The following SELE variants were observed in gnomAD, a reference collection of about 807,000 sequenced individuals.
SELE encodes the protein selectin E.
A neutral mutation model predicts 75.8 loss-of-function variants in SELE; 52 were observed. The ratio of observed to expected loss-of-function variants is 0.69; its 90% CI spans 0.55 to 0.86. The LOEUF (loss-of-function observed/expected upper bound fraction) is 0.86. Ranked by LOEUF, SELE falls within the 40% of genes least tolerant of loss-of-function variation. The pLI is 0.00. For synonymous variants in SELE, 285 were observed against 258.7 expected, an observed-to-expected ratio of 1.10 and a Z score of -0.98; for missense variants, 754 against 732.7, an observed-to-expected ratio of 1.03 and a Z score of -0.34.
intron 13 of SELE, 48 bp downstream of exon 13, chr1:169,725,681 G>A (rs1648721446): frequency 2.7e-6 from 4 of 1,468,688 alleles, no homozygotes; most frequent in East Asian, 2.3e-5. Context: ...AACAGAGCAT[G>A]TAGAGAAGAT....
rs762867185 is a variant in SELE at position 169,731,955 on chromosome 1, C to T, written c.422-13G>A. On this transcript the variant is annotated splice_polypyrimidine_tract_variant and intron_variant, in intron 3 of 13. Coordinates refer to ENST00000333360, the MANE Select transcript of SELE (RefSeq NM_000450.2). The stretch of plus-strand genomic sequence containing the variant: ...TTGGTACAGGCAGCTACGGAAAATA[C>T]AAAGCATGATGAGGAGGACTATTAC... 2 of 1,564,102 alleles carry T rather than the reference C, an allele frequency of 1.3e-6. No homozygotes were observed. The highest frequency in any genetic ancestry group is 1.1e-5 in the South Asian group (1 of 89,904).
chr1:169,725,613 A>G (rs1273056562), intron 13 of SELE, 116 bp downstream of exon 13: 1 of 753,668 alleles, frequency 1.3e-6, no homozygotes, highest in Non-Finnish European at 2.2e-6. Flanking sequence ...TACCCAGGTG[A>G]TGATTTCTCC....
intron 4 of SELE, 124 bp downstream of exon 4, chr1:169,731,711 C>T (rs1387503828): frequency 3.0e-5 from 19 of 624,292 alleles, no homozygotes; most frequent in East Asian, 2.9e-4. Context: ...TCTCAGCTCA[C>T]GATCACCATA....
intron 4 of SELE, 107 bp downstream of exon 4, chr1:169,731,728 C>T (rs1648916491): frequency 2.8e-6 from 2 of 714,422 alleles, no homozygotes; most frequent in Non-Finnish European, 5.0e-6. Flanking sequence ...CATATGACAC[C>T]ATCTGCACCA....
At position 169,730,414 on chromosome 1, in the gene SELE, A is replaced by G; in HGVS notation, c.715+18T>C. Reference sequence around the variant, plus strand: ...GGATGAGTTACAGAACGTTCTGTGCATTCTCAGAGGGATTTACCATTGCAG... The same window carrying G: ...GGATGAGTTACAGAACGTTCTGTGCGTTCTCAGAGGGATTTACCATTGCAG... On this transcript the variant is annotated intron_variant, in intron 5 of 13. Transcript: ENST00000333360. The G allele has an allele frequency of 1.9e-6, 3 of 1,565,120 alleles. No homozygotes were observed. The highest frequency in any genetic ancestry group is 1.2e-5 in the South Asian group (1 of 84,416).
chr1:169,725,919 A>C lies in SELE; in HGVS notation c.1763T>G (p.Phe588Cys). Residue 588 changes from phenylalanine (F) to cysteine (C), a missense_variant, in exon 12 of 14, where the codon TTT (phenylalanine) becomes TGT (cysteine). Physicochemically the swap from Phe to Cys is radical, Grantham distance 205 (BLOSUM62 -2). Coordinates refer to ENST00000333360, the MANE Select transcript of SELE (RefSeq NM_000450.2). ...GAATGCAACTTACCTGGCAGGAACA[A>C]ATTTCTTTGCTGCAAAAGAAAAGAC... is the stretch of plus-strand genomic sequence containing the variant. ...LRKCLRKAKK[F>C]VPASSCQSLE... is the part of the protein sequence containing the mutation. 6.2e-7 allele frequency: 1 copy of C among 1,614,052 alleles called. No individual in the cohort carries two copies.
At chr1:169,733,744 C>T in intron 1 of SELE, 84 bp from the exon 2 acceptor site, 1 of 884,762 alleles carries the variant, frequency 1.1e-6, no homozygotes, top group Admixed American at 1.9e-5. Context: ...TTTAAGGCAG[C>T]ATCCTAAGAT....
chr1:169,730,835 C>A (rs1648895711), intron 4 of SELE, among the ~76,000 whole-genome samples: 1 of 151,728 alleles, frequency 6.6e-6, no homozygotes, highest in South Asian at 2.1e-4. Context: ...TGATGACAAC[C>A]ATAAAAAAGA....
At chr1:169,732,090 A>G (rs1648925754) in intron 3 of SELE, 148 bp from the exon 4 acceptor site, 3 of 525,466 alleles carry the variant, frequency 5.7e-6, no homozygotes, top group Admixed American at 7.0e-5. Context: ...CAAAGTTCCA[A>G]ATCTGAGTTT....
Position 169,726,802 on chromosome 1 carries a change from G to A in SELE, c.1650C>T (p.Pro550=), listed in dbSNP as rs758867956. The A allele has an allele frequency of 2.5e-6, 4 of 1,608,676 alleles. No homozygotes were observed. Among genetic ancestry groups the A allele is most frequent in the Middle Eastern group, 1.7e-4 (1 of 6,052 alleles). The change falls in exon 11 of 14, where the codon CCC becomes CCT. Residue 550 remains proline, a synonymous_variant. Transcript: ENST00000333360. The stretch of plus-strand genomic sequence containing the variant: ...CTACCAAGGGAATGTTGGACTCAGT[G>A]GGAGCTAAGGAAGTAAGAGACGAAG... ...WSGLLPTCEA[P]TESNIPLVAG...
At chr1:169,732,078 T>C in intron 3 of SELE, 136 bp from the exon 4 acceptor site, 2 of 537,058 alleles carry the variant, frequency 3.7e-6, no homozygotes, top group Non-Finnish European at 6.7e-6. Flanking sequence ...TGAAGTGTTT[T>C]ACAAAGTTCC....
rs745433773 is a variant in SELE, at chr1:169,732,670, C to T, written c.366G>A (p.Val122=). The T allele has an allele frequency of 6.2e-7, 1 of 1,613,222 alleles. No individual in the cohort carries two copies. The highest frequency in any genetic ancestry group is 1.3e-5 in the African/African-American group (1 of 74,778). ...VEIYIKREKD[V]GMWNDERCSK... ...TGCACCTCTCATCATTCCACATGCC[C>T]ACATCTTTTTCTCTCTTGATGTAGA... The change falls in exon 3 of 14, where the codon GTG becomes GTA. Residue 122 remains valine (V), a synonymous_variant. Coordinates refer to ENST00000333360, the MANE Select transcript of SELE (RefSeq NM_000450.2).
chr1:169,729,529 G>T lies in SELE; in HGVS notation c.860C>A (p.Thr287Asn). 6.2e-7 allele frequency: 1 copy of T among 1,614,118 alleles called. No homozygotes were observed. Among genetic ancestry groups the T allele is most frequent in the Admixed American group, 1.7e-5 (1 of 60,016 alleles). ...CTCGTTGTCCCAATTCCCAGATGAG[G>T]TACACTGAAGGCTCTGGGCTCCCAT... The part of the protein sequence containing the change: ...ELMGAQSLQC[T>N]SSGNWDNEKP... The change falls in exon 6 of 14, where the codon ACC becomes AAC. Residue 287 changes from threonine to asparagine, a missense_variant. Thr to Asn is a moderately conservative substitution (Grantham distance 65). Coordinates refer to ENST00000333360, the MANE Select transcript of SELE (RefSeq NM_000450.2).
chr1:169,724,666 T>C (rs1648702074), intron 13 of SELE, among the ~76,000 whole-genome samples, 157 bp from the exon 14 acceptor site: 1 of 152,242 alleles, frequency 6.6e-6, no homozygotes, highest in Admixed American at 6.5e-5. Context: ...GTCTACATAT[T>C]ATACCTCTGT....
chr1:169,727,141 T>A (rs1014924792), intron 10 of SELE, among the ~76,000 whole-genome samples: 4 of 152,176 alleles, frequency 2.6e-5, no homozygotes, highest in Non-Finnish European at 4.4e-5. Flanking sequence ...CCTCTCTCTG[T>A]CTCCTTTTTC....
chr1:169,726,681 A>C lies in SELE; in HGVS notation c.1753+18T>G. On this transcript the variant is annotated intron_variant, in intron 11 of 13. Transcript: ENST00000333360. ...ATTTTCAAAAACATTTTTGAAGTAC[A>C]TTCATAAACTTCCTCACCTTTCCGT... The C allele has an allele frequency of 6.5e-7, 1 of 1,544,620 alleles. No individual in the cohort carries two copies.
rs1278403647 is a variant in SELE at position 169,732,974 on chromosome 1, G to A, written c.62C>T (p.Ala21Val). The change falls in exon 3 of 14, where the codon GCC (alanine) becomes GTC (valine). Residue 21 changes from alanine (A) to valine (V), a missense_variant. By Grantham distance (64) the Ala-to-Val change is moderately conservative. Transcript: ENST00000333360. Reference protein sequence around the residue: ...TLVLLIKESGAWSYNTSTEAM... With the variant: ...TLVLLIKESGVWSYNTSTEAM... ...TTCCGTGGAGGTGTTGTAAGACCAG[G>A]CTCCACTCTCTTTAATGAGAAGCAC... 2 of 1,599,532 alleles carry A rather than the reference G, an allele frequency of 1.3e-6. No individual in the cohort carries two copies. The highest frequency in any genetic ancestry group is 1.4e-5 in the African/African-American group (1 of 74,020).
At chr1:169,724,627 G>C (rs780252081) in intron 13 of SELE, 118 bp from the exon 14 acceptor site, 1 of 152,136 alleles carries the variant, frequency 6.6e-6, no homozygotes, top group Non-Finnish European at 1.5e-5. Context: ...TAGGAACATC[G>C]AATTCTATTC....
At position 169,729,479 on chromosome 1, in the gene SELE, C is replaced by A. The variant is rs770740485; in HGVS notation, c.901+9G>T. ...GTTCACAGTAAGTCTCCATGTGGAACAACTCTACCTTTACACGTTGGCTTC... is the reference window on the plus strand; with the variant it reads ...GTTCACAGTAAGTCTCCATGTGGAAAAACTCTACCTTTACACGTTGGCTTC... On this transcript the variant is annotated intron_variant, in intron 6 of 13. Transcript: ENST00000333360. 16 of 1,613,008 alleles carry A rather than the reference C, an allele frequency of 9.9e-6. No individual in the cohort carries two copies. The East Asian group carries it at 2.9e-4, about 29-fold the overall frequency.
Sources: allele counts gnomAD v4.1 joint callset (sites outside exome capture counted in the v4.1 genomes callset), GRCh38; gene constraint gnomAD v4.1.1; transcripts MANE v1.5; gene names NCBI Gene and HGNC (gene_info 2026-07-23, HGNC 2026-07-21).